The following CTNNA2 variants were observed in gnomAD, a reference collection of about 807,000 sequenced individuals.
CTNNA2 encodes the protein catenin alpha 2.
A neutral mutation model predicts 101.0 loss-of-function variants in CTNNA2; 42 were observed. The ratio of observed to expected loss-of-function variants is 0.42; its 90% CI spans 0.32 to 0.54. The LOEUF (loss-of-function observed/expected upper bound fraction) is 0.54. Ranked by LOEUF, CTNNA2 falls within the 20% of genes least tolerant of loss-of-function variation. The probability of loss-of-function intolerance (pLI) is 0.14; values close to 1 mark genes in which losing one functional copy is unlikely to be tolerated. For synonymous variants in CTNNA2, 450 were observed against 456.4 expected, an observed-to-expected ratio of 0.99 and a Z score of 0.18; for missense variants, 871 against 1,223.1, an observed-to-expected ratio of 0.71 and a Z score of 4.29.
At chr2:80,070,998 A>G (rs1698303825) in intron 7 of CTNNA2, among the ~76,000 whole-genome samples, 1 of 152,188 alleles carries the variant, frequency 6.6e-6, no homozygotes, top group Non-Finnish European at 1.5e-5. Flanking sequence ...TAATCTTCCT[A>G]TCTCAAGATC....
At chr2:80,370,183 G>A (rs1369551754) in intron 7 of CTNNA2, among the ~76,000 whole-genome samples, 2 of 152,010 alleles carry the variant, frequency 1.3e-5, no homozygotes, top group African/African-American at 4.8e-5. Flanking sequence ...AGTGAAAGAG[G>A]TAGGAGAACT....
intron 8 of CTNNA2, among the ~76,000 whole-genome samples, chr2:80,401,649 C>A (rs145809138): frequency 7.4e-4 from 113 of 152,172 alleles, no homozygotes; most frequent in African/African-American, 2.6e-3. Flanking sequence ...AGACCTCATC[C>A]CAGTCCCTCA....
intron 4 of CTNNA2, among the ~76,000 whole-genome samples, chr2:79,422,167 A>G (rs1298469047): frequency 2.0e-5 from 3 of 152,048 alleles, no homozygotes; most frequent in Non-Finnish European, 4.4e-5. Flanking sequence ...ACAAACAAAC[A>G]GTGAAGCTTA....
intron 2 of CTNNA2, among the ~76,000 whole-genome samples, chr2:79,691,623 T>C (rs1248765567): frequency 6.6e-6 from 1 of 152,062 alleles, no homozygotes; most frequent in East Asian, 1.9e-4. Flanking sequence ...GACTTCAAAC[T>C]ATACTACAAG....
intron 3 of CTNNA2, among the ~76,000 whole-genome samples, chr2:79,790,069 A>G (rs983228397): frequency 5.3e-5 from 8 of 152,224 alleles, no homozygotes; most frequent in Admixed American, 4.6e-4. Flanking sequence ...ATGTACTTCT[A>G]GAGCAAATGA....
chr2:80,566,365 TAC>T lies in CTNNA2; in HGVS notation c.1742-7794_1742-7793del, dbSNP rs978873650. ...AGCTCACATTCAAGGTTGAGGGGATTACACAAAGGCATGAATACCAGGAGAAG... is the reference window on the plus strand; with the variant it reads ...AGCTCACATTCAAGGTTGAGGGGATTACAAAGGCATGAATACCAGGAGAAG... On this transcript the variant is annotated intron_variant, in intron 12 of 18. Coordinates refer to ENST00000402739, the MANE Select transcript of CTNNA2 (RefSeq NM_001282597.3). Among the ~76,000 whole-genome samples the T allele has an allele frequency of 6.8e-4, 104 of 152,120 alleles. 2 individuals carry two copies. The highest frequency in any genetic ancestry group is 2.4e-3 in the African/African-American group (99 of 41,426).
intron 18 of CTNNA2, among the ~76,000 whole-genome samples, chr2:80,620,684 T>G (rs980752085): frequency 1.7e-4 from 26 of 151,932 alleles, no homozygotes; most frequent in African/African-American, 6.3e-4. Flanking sequence ...TACCTTCCAT[T>G]AAAAGTACTA....
chr2:80,147,177 G>C (rs185036071), intron 7 of CTNNA2, among the ~76,000 whole-genome samples: 2 of 152,024 alleles, frequency 1.3e-5, no homozygotes, highest in Admixed American at 1.3e-4. Context: ...TGTTGGTCAG[G>C]CTGGTCTTGA....
chr2:79,813,575 G>A (rs1677219713), intron 3 of CTNNA2, among the ~76,000 whole-genome samples: 1 of 152,192 alleles, frequency 6.6e-6, no homozygotes, highest in Non-Finnish European at 1.5e-5. Context: ...AATTTGGGAT[G>A]TGTGAGTGGA....
rs189539041 is a variant in CTNNA2, at chr2:79,685,361, C to T, written c.102+33703C>T. 6.9e-3 allele frequency among the ~76,000 whole-genome samples: 1,050 copies of T among 152,230 alleles called. 6 individuals carry two copies. Among genetic ancestry groups the T allele is most frequent in the Non-Finnish European group, 0.012 (830 of 68,008 alleles). On this transcript the variant is annotated intron_variant, in intron 2 of 18. Transcript: ENST00000402739. Reference sequence around the variant, plus strand: ...TTGAAGAAGTGACATCCAAACTGACCTCTGTGTTAATTAGAATGGGGCACT... The same window carrying T: ...TTGAAGAAGTGACATCCAAACTGACTTCTGTGTTAATTAGAATGGGGCACT...
At chr2:80,341,291 G>A (rs1672218807) in intron 7 of CTNNA2, among the ~76,000 whole-genome samples, 1 of 152,072 alleles carries the variant, frequency 6.6e-6, no homozygotes, top group Non-Finnish European at 1.5e-5. Context: ...TCATGGTTTG[G>A]TCTTTTTGGC....
At chr2:79,858,499 C>G (rs1681321527) in intron 4 of CTNNA2, among the ~76,000 whole-genome samples, 1 of 152,094 alleles carries the variant, frequency 6.6e-6, no homozygotes, top group Non-Finnish European at 1.5e-5. Flanking sequence ...TGCCTTTGTT[C>G]TATCTCAAGA....
At chr2:80,389,851 T>C (rs1158685795) in intron 7 of CTNNA2, among the ~76,000 whole-genome samples, 4 of 152,142 alleles carry the variant, frequency 2.6e-5, no homozygotes, top group South Asian at 2.1e-4. Flanking sequence ...ATTTCTGAAT[T>C]GTTTTCAGCC....
intron 2 of CTNNA2, among the ~76,000 whole-genome samples, chr2:79,655,219 A>G (rs1297226565): frequency 6.6e-6 from 1 of 152,214 alleles, no homozygotes; most frequent in East Asian, 1.9e-4. Context: ...CTTGGAGTTT[A>G]CACTTAAGAG....
chr2:79,277,077 A>G (rs1218315142), intron 2 of CTNNA2, among the ~76,000 whole-genome samples: 1 of 152,080 alleles, frequency 6.6e-6, no homozygotes, highest in African/African-American at 2.4e-5. Flanking sequence ...AGAGCCATGG[A>G]GGAGCTGTCT....
At chr2:79,655,972 C>G (rs1412239958) in intron 2 of CTNNA2, among the ~76,000 whole-genome samples, 1 of 152,050 alleles carries the variant, frequency 6.6e-6, no homozygotes, top group Non-Finnish European at 1.5e-5. Context: ...TCACATAATA[C>G]AGTAGAATGC....
intron 4 of CTNNA2, among the ~76,000 whole-genome samples, chr2:79,463,395 C>CAAA (rs10546803): frequency 2.0e-4 from 24 of 117,806 alleles, no homozygotes; most frequent in African/African-American, 7.0e-4. Flanking sequence ...GAGACTGTCT[C>CAAA]AAAAAAAAAA....
At chr2:79,193,446 A>G (rs76446433) in intron 1 of CTNNA2, among the ~76,000 whole-genome samples, 2 of 152,216 alleles carry the variant, frequency 1.3e-5, no homozygotes, top group African/African-American at 4.8e-5. Context: ...CTATACAGGT[A>G]CGTACCCTAG....
chr2:79,520,670 C>A (rs1444327244), intron 1 of CTNNA2, among the ~76,000 whole-genome samples: 2 of 152,122 alleles, frequency 1.3e-5, no homozygotes, highest in Admixed American at 6.5e-5. Context: ...AAAAAATGAA[C>A]AAAATATGTG....
Sources: gnomAD v4.1 joint callset for allele counts (sites outside exome capture counted in the v4.1 genomes callset) on GRCh38, gnomAD v4.1.1 for gene constraint, MANE v1.5 for transcripts, NCBI Gene and HGNC (gene_info 2026-07-23, HGNC 2026-07-21) for gene names.